CNTNAP2: variants seen among roughly 807,000 people sequenced by gnomAD.
The protein encoded by CNTNAP2 is contactin-associated protein-like 2.
CNTNAP2 carries 98 observed loss-of-function variants against 155.2 expected under a neutral mutation model. That is an observed-to-expected ratio of 0.63 (90% CI 0.54 to 0.75). The LOEUF is 0.75. CNTNAP2 is among the 30% of genes least tolerant of loss of function. The probability of loss-of-function intolerance (pLI) is 0.00; values close to 1 mark genes in which losing one functional copy is unlikely to be tolerated. For missense variants in CNTNAP2, 1,727 were observed against 1,688.1 expected (o/e 1.02, Z -0.40); for synonymous variants, 651 against 631.2 (o/e 1.03, Z -0.47).
chr7:146,757,427 T>G (rs1052028946), intron 1 of CNTNAP2, among the ~76,000 whole-genome samples: 2 of 152,182 alleles, frequency 1.3e-5, no homozygotes, highest in Non-Finnish European at 2.9e-5. Flanking sequence ...TTTCTTTACA[T>G]AAGCAAGTGA....
intron 15 of CNTNAP2, among the ~76,000 whole-genome samples, chr7:148,037,541 G>A (rs189963417): frequency 1.9e-4 from 29 of 152,200 alleles, no homozygotes; most frequent in Admixed American, 1.6e-3. Flanking sequence ...GTTCCAACTC[G>A]TATAAAATCT....
chr7:147,132,792 C>G (rs1424456167), intron 8 of CNTNAP2, among the ~76,000 whole-genome samples: 1 of 152,018 alleles, frequency 6.6e-6, no homozygotes, highest in Non-Finnish European at 1.5e-5. Flanking sequence ...AATTGCTCTT[C>G]TTTTAAGTGA....
intron 10 of CNTNAP2, among the ~76,000 whole-genome samples, chr7:147,468,405 C>T (rs17507650): frequency 0.051 from 7,743 of 152,238 alleles, 311 homozygotes; most frequent in Non-Finnish European, 0.076. Context: ...TATATCTTTG[C>T]TTAACTATTG....
intron 13 of CNTNAP2, among the ~76,000 whole-genome samples, chr7:147,737,993 C>T (rs1448242783): frequency 1.3e-5 from 2 of 152,214 alleles, no homozygotes; most frequent in African/African-American, 2.4e-5. Flanking sequence ...TGCCCTGCTT[C>T]GGCTCATGCT....
At chr7:147,184,975 A>G (rs1802534070) in intron 8 of CNTNAP2, among the ~76,000 whole-genome samples, 1 of 152,192 alleles carries the variant, frequency 6.6e-6, no homozygotes. Context: ...AATACTGTCT[A>G]TATAAAATAA....
intron 13 of CNTNAP2, among the ~76,000 whole-genome samples, chr7:147,667,805 A>AAT (rs1554419773): frequency 3.2e-4 from 46 of 145,930 alleles, no homozygotes; most frequent in African/African-American, 1.1e-3. Context: ...CAAAAAAAAA[A>AAT]AATAATAAAA....
intron 1 of CNTNAP2, among the ~76,000 whole-genome samples, chr7:146,180,558 A>G (rs931108474): frequency 6.6e-6 from 1 of 152,122 alleles, no homozygotes; most frequent in East Asian, 1.9e-4. Flanking sequence ...TTAACCTAGT[A>G]TATTAAAATG....
chr7:146,973,907 A>G (rs1270167035), intron 3 of CNTNAP2, among the ~76,000 whole-genome samples: 1 of 152,168 alleles, frequency 6.6e-6, no homozygotes, highest in African/African-American at 2.4e-5. Context: ...ATGAATATGA[A>G]TTGAGCTCAG....
Position 147,120,989 on chromosome 7 carries a change from G to A in CNTNAP2, c.765G>A (p.Gln255=), listed in dbSNP as rs373866565. Residue 255 remains glutamine, a synonymous_variant, in exon 6 of 24, where the codon CAG becomes CAA. Transcript: ENST00000361727. ...LVLSLNLGSN[Q]LGPIYGHTSV... is the part of the protein sequence containing the mutation. ...CTTCTGTGTACGCAGGAAGCAACCAGCTTGGCCCCATATATGGCCACACAT... is the reference window on the plus strand; with the variant it reads ...CTTCTGTGTACGCAGGAAGCAACCAACTTGGCCCCATATATGGCCACACAT... 4 of 1,613,636 alleles carry A rather than the reference G, an allele frequency of 2.5e-6. No individual in the cohort carries two copies. The highest frequency in any genetic ancestry group is 1.1e-5 in the South Asian group (1 of 91,060).
At chr7:147,931,446 G>A (rs1800502188) in intron 14 of CNTNAP2, among the ~76,000 whole-genome samples, 1 of 152,016 alleles carries the variant, frequency 6.6e-6, no homozygotes, top group Non-Finnish European at 1.5e-5. Flanking sequence ...ATTTTATAAG[G>A]CCAGCATTTC....
At chr7:146,877,281 C>G (rs1301432986) in intron 3 of CNTNAP2, among the ~76,000 whole-genome samples, 1 of 151,906 alleles carries the variant, frequency 6.6e-6, no homozygotes, top group East Asian at 1.9e-4. Flanking sequence ...AGGAGAAGAT[C>G]ATTTGAGGCT....
At chr7:147,322,150 A>G (rs1429700156) in intron 9 of CNTNAP2, among the ~76,000 whole-genome samples, 1 of 152,132 alleles carries the variant, frequency 6.6e-6, no homozygotes, top group East Asian at 1.9e-4. Context: ...ATATGGGGTG[A>G]TTCTCACCCT....
At chr7:148,083,257 C>T (rs904518464) in intron 15 of CNTNAP2, among the ~76,000 whole-genome samples, 2 of 152,144 alleles carry the variant, frequency 1.3e-5, no homozygotes, top group Non-Finnish European at 2.9e-5. Flanking sequence ...TTCTTAAATG[C>T]ACATGATAAT....
chr7:146,968,312 A>G (rs1435029885), intron 3 of CNTNAP2, among the ~76,000 whole-genome samples: 1 of 152,128 alleles, frequency 6.6e-6, no homozygotes. Context: ...TATCAGGATA[A>G]TGCTGGCCTC....
rs1465637006 is a variant in CNTNAP2, at chr7:148,016,215, CA to C, written c.2383+38227del. On this transcript the variant is annotated intron_variant, in intron 15 of 23. Coordinates refer to ENST00000361727, the MANE Select transcript of CNTNAP2 (RefSeq NM_014141.6). ...TGTAGAGGACCGGGGTGGACATGCC[CA>C]TCCCCTCCTGGGGAAGTCTGTTTAC... Among the ~76,000 whole-genome samples, 4 of 152,328 alleles carry C rather than the reference CA, an allele frequency of 2.6e-5. No homozygotes were observed. In the East Asian group the frequency reaches 7.7e-4, roughly 29 times the overall value.
chr7:146,463,212 C>G (rs1316405931), intron 1 of CNTNAP2, among the ~76,000 whole-genome samples: 2 of 152,110 alleles, frequency 1.3e-5, no homozygotes, highest in African/African-American at 4.8e-5. Context: ...TCAATTCTTC[C>G]TGTCTCTGAT....
intron 3 of CNTNAP2, among the ~76,000 whole-genome samples, chr7:146,895,895 A>G (rs962385069): frequency 6.6e-6 from 1 of 152,130 alleles, no homozygotes; most frequent in Non-Finnish European, 1.5e-5. Flanking sequence ...ATTCATATGT[A>G]CTAAGATTTA....
intron 3 of CNTNAP2, among the ~76,000 whole-genome samples, chr7:146,933,704 G>A (rs76226510): frequency 0.36 from 52,338 of 147,270 alleles, 9,808 homozygotes; most frequent in Middle Eastern, 0.42. Flanking sequence ...CAAAGGGCTA[G>A]TATCCAGAAT....
At position 147,919,459 on chromosome 7, in the gene CNTNAP2, C is replaced by CTTTCTTTTTT. The variant is rs58537091; in HGVS notation, c.2255+15741_2255+15742insCTTTTTTTTT. ...CACCATGTCTGGCTACTTTTTCTTT[C>CTTTCTTTTTT]TTTTTTTTTTTTTTTTTGAGACAGA... On this transcript the variant is annotated intron_variant, in intron 14 of 23. Coordinates refer to ENST00000361727, the MANE Select transcript of CNTNAP2 (RefSeq NM_014141.6). Among the ~76,000 whole-genome samples, 13 of 51,232 alleles carry CTTTCTTTTTT rather than the reference C, an allele frequency of 2.5e-4. 3 individuals carry two copies. Among genetic ancestry groups the CTTTCTTTTTT allele is most frequent in the East Asian group, 2.4e-3 (3 of 1,256 alleles). The allele number at this position is 51,232 out of a possible 152,430, so 33.6% of individuals were successfully genotyped here. A position where few individuals can be genotyped will look rare whatever the true frequency, so the allele number is the denominator to read the frequency against.
Sources: allele counts gnomAD v4.1 joint callset (sites outside exome capture counted in the v4.1 genomes callset), GRCh38; gene constraint gnomAD v4.1.1; transcripts MANE v1.5; gene names NCBI Gene and HGNC (gene_info 2026-07-23, HGNC 2026-07-21).